DLGAP2: variants seen among roughly 807,000 people sequenced by gnomAD.
DLGAP2 encodes the protein DLG associated protein 2.
A neutral mutation model predicts 100.3 loss-of-function variants in DLGAP2; 26 were observed. The ratio of observed to expected loss-of-function variants is 0.26; its 90% confidence interval spans 0.19 to 0.36. DLGAP2 has a LOEUF of 0.36. Ranked by LOEUF, DLGAP2 falls within the 10% of genes least tolerant of loss-of-function variation. The probability of loss-of-function intolerance (pLI) is 1.00; values close to 1 mark genes in which losing one functional copy is unlikely to be tolerated. For synonymous variants in DLGAP2, 886 were observed against 630.1 expected, an observed-to-expected ratio of 1.41 and a Z score of -6.08; for missense variants, 1,858 against 1,453.2, an observed-to-expected ratio of 1.28 and a Z score of -4.53.
intron 2 of DLGAP2, among the ~76,000 whole-genome samples, chr8:974,400 C>T (rs932117032): frequency 6.6e-6 from 1 of 152,178 alleles, no homozygotes; most frequent in Non-Finnish European, 1.5e-5. Flanking sequence ...AAAACACCAA[C>T]CCAGAATTCT....
intron 2 of DLGAP2, among the ~76,000 whole-genome samples, chr8:959,799 T>C (rs1317776604): frequency 6.6e-6 from 1 of 152,228 alleles, no homozygotes; most frequent in Admixed American, 6.5e-5. Context: ...AATATGACTA[T>C]ATTCTCATTT....
At chr8:1,299,792 G>C (rs903571368) in intron 3 of DLGAP2, 1 of 152,148 alleles carries the variant, frequency 6.6e-6, no homozygotes, top group Non-Finnish European at 1.5e-5. Context: ...GGTCAAGAAT[G>C]GATCTGAAGC....
At chr8:847,419 T>A (rs1431056764) in intron 1 of DLGAP2, among the ~76,000 whole-genome samples, 1 of 152,144 alleles carries the variant, frequency 6.6e-6, no homozygotes. Flanking sequence ...TATTTTACAC[T>A]TTTTTTCCCT....
intron 2 of DLGAP2, among the ~76,000 whole-genome samples, chr8:930,786 C>T (rs1028349008): frequency 6.6e-6 from 1 of 152,190 alleles, no homozygotes; most frequent in Admixed American, 6.5e-5. Context: ...GGCCGTGGTG[C>T]AGAGGCTGTC....
intron 1 of DLGAP2, among the ~76,000 whole-genome samples, chr8:859,193 C>A (rs905499040): frequency 6.6e-6 from 1 of 151,684 alleles, no homozygotes; most frequent in Non-Finnish European, 1.5e-5. Flanking sequence ...CTCACTGCAA[C>A]CTCCACCTCC....
chr8:1,354,568 T>G (rs1801806594), intron 3 of DLGAP2, among the ~76,000 whole-genome samples: 1 of 152,050 alleles, frequency 6.6e-6, no homozygotes, highest in African/African-American at 2.4e-5. Flanking sequence ...TGTGGGGCCA[T>G]TAAGATGATG....
At chr8:1,454,703 T>G (rs1484992985) in intron 3 of DLGAP2, among the ~76,000 whole-genome samples, 2 of 152,160 alleles carry the variant, frequency 1.3e-5, no homozygotes, top group East Asian at 3.9e-4. Context: ...GAGTTCAGCT[T>G]GAGGGCTGAG....
At chr8:1,355,845 C>A (rs1801836804) in intron 3 of DLGAP2, among the ~76,000 whole-genome samples, 1 of 152,156 alleles carries the variant, frequency 6.6e-6, no homozygotes, top group South Asian at 2.1e-4. Context: ...TCCCTCAAAG[C>A]TAGTCCCCTT....
intron 3 of DLGAP2, among the ~76,000 whole-genome samples, chr8:1,436,247 A>G (rs1446048668): frequency 1.3e-5 from 2 of 152,218 alleles, no homozygotes; most frequent in Non-Finnish European, 2.9e-5. Flanking sequence ...TCTGTGGCCA[A>G]AGGCCTGAGA....
chr8:1,438,874 C>G (rs1029453196), intron 3 of DLGAP2, among the ~76,000 whole-genome samples: 2 of 152,116 alleles, frequency 1.3e-5, no homozygotes, highest in African/African-American at 4.8e-5. Flanking sequence ...ATACCAATAT[C>G]GTAATATTCA....
chr8:1,200,777 T>C (rs978622804), intron 2 of DLGAP2, among the ~76,000 whole-genome samples: 1 of 151,586 alleles, frequency 6.6e-6, no homozygotes, highest in Non-Finnish European at 1.5e-5. Flanking sequence ...CCTGACTTGC[T>C]GGACGGAAGC....
chr8:1,636,509 A>C (rs753624257), intron 8 of DLGAP2, among the ~76,000 whole-genome samples: 6 of 152,246 alleles, frequency 3.9e-5, no homozygotes, highest in Admixed American at 1.3e-4. Flanking sequence ...CTGTTTTTCA[A>C]TACTATGATT....
intron 2 of DLGAP2, among the ~76,000 whole-genome samples, chr8:1,176,833 C>G (rs1797269629): frequency 2.0e-5 from 3 of 152,290 alleles, no homozygotes; most frequent in South Asian, 2.1e-4. Context: ...AACACACCCT[C>G]TGGCTTCTTT....
At chr8:767,098 C>G (rs60287636) in intron 1 of DLGAP2, among the ~76,000 whole-genome samples, 1 of 152,050 alleles carries the variant, frequency 6.6e-6, no homozygotes, top group East Asian at 1.9e-4. Context: ...GTGCCATCCC[C>G]GGGGTGCATC....
At chr8:1,687,293 C>T (rs532773419) in intron 12 of DLGAP2, among the ~76,000 whole-genome samples, 1 of 152,268 alleles carries the variant, frequency 6.6e-6, no homozygotes, top group South Asian at 2.1e-4. Flanking sequence ...ATAAAAGAGC[C>T]AAGTGTGTTA....
At chr8:1,422,436 T>A (rs1797117016) in intron 3 of DLGAP2, among the ~76,000 whole-genome samples, 1 of 152,154 alleles carries the variant, frequency 6.6e-6, no homozygotes, top group African/African-American at 2.4e-5. Flanking sequence ...TGGCCGTGAC[T>A]GAGCGAGGAT....
chr8:738,436 C>G (rs1459747989), intron 1 of DLGAP2: 2 of 152,194 alleles, frequency 1.3e-5, no homozygotes, highest in Non-Finnish European at 2.9e-5. Context: ...AGGGGGTGGC[C>G]GCCGCCCGGC....
chr8:1,291,482 C>A (rs1800056758), intron 3 of DLGAP2, among the ~76,000 whole-genome samples: 1 of 152,098 alleles, frequency 6.6e-6, no homozygotes, highest in Admixed American at 6.6e-5. Flanking sequence ...CGTATGGCTC[C>A]CTTCAGTGCC....
At chr8:1,641,370 G>A (rs931086496) in intron 8 of DLGAP2, among the ~76,000 whole-genome samples, 2 of 152,110 alleles carry the variant, frequency 1.3e-5, no homozygotes, top group African/African-American at 2.4e-5. Context: ...CAAGTAATTT[G>A]TGTCCTTCTC....
Sources: allele counts gnomAD v4.1 joint callset (sites outside exome capture counted in the v4.1 genomes callset), GRCh38; gene constraint gnomAD v4.1.1; transcripts MANE v1.5; gene names NCBI Gene and HGNC (gene_info 2026-07-23, HGNC 2026-07-21).